Variants in RABEP2 observed in about 807,000 individuals in gnomAD.
RABEP2 encodes the protein rabaptin, RAB GTPase binding effector protein 2.
RABEP2 carries 57 observed loss-of-function variants against 74.1 expected under a neutral mutation model. The ratio of observed to expected loss-of-function variants is 0.77; its 90% CI spans 0.62 to 0.96. RABEP2 has a LOEUF of 0.96. RABEP2 is among the 40% of genes least tolerant of loss of function. The pLI, the probability that RABEP2 is intolerant of heterozygous loss-of-function variation, is 0.00. For synonymous variants in RABEP2, 351 were observed against 344.0 expected (o/e 1.02, Z -0.23); for missense variants, 692 against 756.3 (o/e 0.91, Z 1.00).
At chr16:28,919,652 A>C (rs970217396) in intron 3 of RABEP2, 134 bp downstream of exon 3, 3 of 1,073,604 alleles carry the variant, frequency 2.8e-6, no homozygotes, top group Non-Finnish European at 3.9e-6. Flanking sequence ...GCTCTCAACA[A>C]CACCTGGTAA....
intron 2 of RABEP2, among the ~76,000 whole-genome samples, chr16:28,922,383 G>A (rs1333806922): frequency 3.3e-5 from 5 of 152,054 alleles, no homozygotes; most frequent in African/African-American, 7.2e-5. Context: ...TCAGGAGATC[G>A]AGACTATCCT....
intron 7 of RABEP2, among the ~76,000 whole-genome samples, chr16:28,908,999 CTA>C (rs113226418): frequency 4.6e-4 from 69 of 148,506 alleles, no homozygotes; most frequent in Non-Finnish European, 5.1e-4. Context: ...TTTACTTGGT[CTA>C]TATATATATA....
At chr16:28,921,987 A>G (rs1386532784) in intron 2 of RABEP2, among the ~76,000 whole-genome samples, 1 of 151,932 alleles carries the variant, frequency 6.6e-6, no homozygotes, top group African/African-American at 2.4e-5. Flanking sequence ...AACAAAAAAA[A>G]GAGAGTCAGG....
rs1964192370 is a variant in RABEP2 at position 28,904,617 on chromosome 16, G to A, written c.*326C>T. 4.7e-6 allele frequency: 5 copies of A among 1,064,226 alleles called. No homozygotes were observed. The highest frequency in any genetic ancestry group is 1.6e-5 in the African/African-American group (1 of 61,880). 65.9% of individuals were successfully genotyped at this position (1,064,226 alleles called of 1,614,324 possible). ...CTCCCAGCCCCCATGGCTCCGCTGT[G>A]CCCTGGGCAGGGGACGGGCTGGGGG... is the stretch of plus-strand genomic sequence containing the variant. On this transcript the variant is annotated 3_prime_UTR_variant, in exon 13 of 13. Coordinates refer to ENST00000358201, the MANE Select transcript of RABEP2 (RefSeq NM_024816.3).
At chr16:28,906,252 G>C in intron 8 of RABEP2, 56 bp from the exon 9 acceptor site, 1 of 1,490,542 alleles carries the variant, frequency 6.7e-7, no homozygotes, top group Non-Finnish European at 8.9e-7. Flanking sequence ...AGGAGGGCAG[G>C]GGCCACCAGC....
At chr16:28,922,787 G>T (rs181866483) in intron 2 of RABEP2, among the ~76,000 whole-genome samples, 1 of 152,188 alleles carries the variant, frequency 6.6e-6, no homozygotes, top group Non-Finnish European at 1.5e-5. Flanking sequence ...CCAGCTACTT[G>T]GGAGGCTGAG....
chr16:28,916,855 G>A (rs761739723), intron 3 of RABEP2, among the ~76,000 whole-genome samples: 10 of 151,278 alleles, frequency 6.6e-5, no homozygotes, highest in East Asian at 3.9e-4. Context: ...GTGGTGGTGC[G>A]CGCCTGTAAT....
At position 28,904,617 on chromosome 16, in the gene RABEP2, G is replaced by C; in HGVS notation, c.*326C>G. ...CTCCCAGCCCCCATGGCTCCGCTGT[G>C]CCCTGGGCAGGGGACGGGCTGGGGG... On this transcript the variant is annotated 3_prime_UTR_variant, in exon 13 of 13. Coordinates refer to ENST00000358201, the MANE Select transcript of RABEP2 (RefSeq NM_024816.3). 9.4e-7 allele frequency: 1 copy of C among 1,064,344 alleles called. No homozygotes were observed. Among genetic ancestry groups the C allele is most frequent in the Non-Finnish European group, 1.3e-6 (1 of 784,984 alleles). 65.9% of individuals were successfully genotyped at this position (1,064,344 alleles called of 1,614,324 possible). A position where few individuals can be genotyped will look rare whatever the true frequency, so the allele number is the denominator to read the frequency against.
chr16:28,910,977 G>C lies in RABEP2; in HGVS notation c.1000C>G (p.Leu334Val). ...TCTGAGTTCTGGACCTGGGCCAGGAGCACCTGCATCTGGGTTGGAGGGAGG... is the reference window on the plus strand; with the variant it reads ...TCTGAGTTCTGGACCTGGGCCAGGACCACCTGCATCTGGGTTGGAGGGAGG... ...NEDCAKQMQV[L>V]LAQVQNSEQL... Residue 334 changes from leucine (L) to valine (V), a missense_variant, in exon 7 of 13, where the codon CTC becomes GTC. Coordinates refer to ENST00000358201, the MANE Select transcript of RABEP2 (RefSeq NM_024816.3). 2 of 1,610,966 alleles carry C rather than the reference G, an allele frequency of 1.2e-6. No homozygotes were observed. The highest frequency in any genetic ancestry group is 2.2e-5 in the South Asian group (2 of 90,882).
intron 3 of RABEP2, among the ~76,000 whole-genome samples, chr16:28,918,718 A>C (rs1011288223): frequency 1.3e-5 from 2 of 151,712 alleles, no homozygotes; most frequent in African/African-American, 4.8e-5. Context: ...CAGTGATGTG[A>C]TCATAGCTTG....
At chr16:28,915,848 T>TCAAAGGAAGAGGGTGTGCC (rs1464037840) in intron 3 of RABEP2, among the ~76,000 whole-genome samples, 1 of 149,790 alleles carries the variant, frequency 6.7e-6, no homozygotes, top group East Asian at 2.0e-4. Flanking sequence ...GGACAACTTT[T>TCAAAGGAAGAGGGTGTGCC]TTTCTTTTAA....
rs1964520069 is a variant in RABEP2 at position 28,925,227 on chromosome 16, T to C, written c.-64A>G. On this transcript the variant is annotated 5_prime_UTR_variant, in exon 1 of 13. Transcript: ENST00000358201. ...GACGGAGCGCACCGCTTCCGGGTCC[T>C]CTCGGCTGTTTCCGGATCCGCTCGG... The C allele has an allele frequency of 6.7e-7, 1 of 1,487,584 alleles. No individual in the cohort carries two copies. The highest frequency in any genetic ancestry group is 8.9e-7 in the Non-Finnish European group (1 of 1,124,352). 92.1% of individuals were successfully genotyped at this position (1,487,584 alleles called of 1,614,324 possible).
chr16:28,904,621 T>TGGGCAGGGGACGGGCTGG lies in RABEP2; in HGVS notation c.*304_*321dup, dbSNP rs1362887234. ...CAGCCCCCATGGCTCCGCTGTGCCC[T>TGGGCAGGGGACGGGCTGG]GGGCAGGGGACGGGCTGGGGGCAGG... On this transcript the variant is annotated 3_prime_UTR_variant, in exon 13 of 13. Transcript: ENST00000358201. 2.0e-6 allele frequency: 2 copies of TGGGCAGGGGACGGGCTGG among 1,023,318 alleles called. No individual in the cohort carries two copies. Among genetic ancestry groups the TGGGCAGGGGACGGGCTGG allele is most frequent in the Non-Finnish European group, 2.7e-6 (2 of 750,242 alleles). The allele number at this position is 1,023,318 out of a possible 1,614,324, so 63.4% of individuals were successfully genotyped here.
At position 28,905,777 on chromosome 16, in the gene RABEP2, G is replaced by A; in HGVS notation, c.1436-18C>T. The A allele has an allele frequency of 1.2e-6, 2 of 1,613,944 alleles. No homozygotes were observed. Among genetic ancestry groups the A allele is most frequent in the Non-Finnish European group, 1.7e-6 (2 of 1,179,988 alleles). ...CAGGGAGGCTGGGAAGTCAGGGCAG[G>A]GGGAGACGTCAGGGCCATGCCCTCT... On this transcript the variant is annotated intron_variant, in intron 10 of 12. Transcript: ENST00000358201.
At chr16:28,915,607 T>C (rs1964381539) in intron 3 of RABEP2, among the ~76,000 whole-genome samples, 1 of 151,978 alleles carries the variant, frequency 6.6e-6, no homozygotes, top group African/African-American at 2.4e-5. Context: ...TGGAGTGGCA[T>C]AATCTCGGCT....
At chr16:28,920,662 A>C (rs963529234) in intron 2 of RABEP2, among the ~76,000 whole-genome samples, 8 of 151,918 alleles carry the variant, frequency 5.3e-5, no homozygotes, top group Admixed American at 3.3e-4. Flanking sequence ...CTGGGATTAT[A>C]GGCGTGAGCC....
At chr16:28,913,323 A>G (rs1448583816) in intron 5 of RABEP2, among the ~76,000 whole-genome samples, 1 of 152,058 alleles carries the variant, frequency 6.6e-6, no homozygotes, top group African/African-American at 2.4e-5. Flanking sequence ...TCTCTATCCT[A>G]TAAGCCCAGT....
rs1042618339 is a variant in RABEP2, at chr16:28,904,691, A to C, written c.*252T>G. On this transcript the variant is annotated 3_prime_UTR_variant, in exon 13 of 13. Transcript: ENST00000358201. ...GGCAGCACAGCAGCCAGAAAGCCGC[A>C]GGCCTGAGCCTGCACCTTTGGTTCC... 3.1e-6 allele frequency: 2 copies of C among 654,402 alleles called. No homozygotes were observed. The highest frequency in any genetic ancestry group is 3.7e-5 in the African/African-American group (2 of 54,422). The allele number at this position is 654,402 out of a possible 1,614,324, so 40.5% of individuals were successfully genotyped here. A position where few individuals can be genotyped will look rare whatever the true frequency, so the allele number is the denominator to read the frequency against.
rs191582770 is a variant in RABEP2 at position 28,905,118 on chromosome 16, A to C, written c.1609-74T>G. ...CCCCTACCCCACCTGCCAGCCCCCAAGGGCGGGGCCTGGTACCAGTGGACC... is the reference window on the plus strand; with the variant it reads ...CCCCTACCCCACCTGCCAGCCCCCACGGGCGGGGCCTGGTACCAGTGGACC... On this transcript the variant is annotated intron_variant, in intron 12 of 12. Coordinates refer to ENST00000358201, the MANE Select transcript of RABEP2 (RefSeq NM_024816.3). 1.1e-4 allele frequency: 149 copies of C among 1,320,422 alleles called. 4 individuals carry two copies. In the East Asian group the frequency reaches 2.6e-3, roughly 23 times the overall value. The allele number at this position is 1,320,422 out of a possible 1,614,324, so 81.8% of individuals were successfully genotyped here.
Sources: gnomAD v4.1 joint callset for allele counts (sites outside exome capture counted in the v4.1 genomes callset) on GRCh38, gnomAD v4.1.1 for gene constraint, MANE v1.5 for transcripts, NCBI Gene and HGNC (gene_info 2026-07-23, HGNC 2026-07-21) for gene names.